HPSE2: variants seen among roughly 807,000 people sequenced by gnomAD.
The protein encoded by HPSE2 is heparanase 2 (inactive).
Under a neutral mutation model 60.5 loss-of-function variants are expected in HPSE2, and 38 were observed. The ratio of observed to expected loss-of-function variants is 0.63; its 90% CI spans 0.48 to 0.82. The LOEUF (loss-of-function observed/expected upper bound fraction) is 0.82, where lower values mean the gene tolerates loss of function less well. Among genes scored for constraint, HPSE2 ranks in the 40% least tolerant of loss-of-function variants. HPSE2 has a pLI of 0.00. For synonymous variants in HPSE2, 295 were observed against 293.2 expected (o/e 1.01, Z -0.06); for missense variants, 713 against 740.4 (o/e 0.96, Z 0.43).
intron 3 of HPSE2, among the ~76,000 whole-genome samples, chr10:98,758,594 T>C (rs1949935030): frequency 1.3e-5 from 2 of 152,116 alleles, no homozygotes; most frequent in Non-Finnish European, 2.9e-5. Context: ...GCTCAACACA[T>C]TGCTAATCAT....
At chr10:98,967,095 G>C (rs942267407) in intron 3 of HPSE2, among the ~76,000 whole-genome samples, 3 of 152,178 alleles carry the variant, frequency 2.0e-5, no homozygotes, top group African/African-American at 7.2e-5. Flanking sequence ...TTAGGAGAAG[G>C]GGGTAGACTC....
chr10:99,103,934 G>T (rs1439590908), intron 3 of HPSE2, among the ~76,000 whole-genome samples: 31 of 152,036 alleles, frequency 2.0e-4, no homozygotes, highest in African/African-American at 7.0e-4. Context: ...TAGCCATATG[G>T]AGAAAGCTGC....
chr10:99,196,283 G>C (rs1848394844), intron 2 of HPSE2, among the ~76,000 whole-genome samples: 1 of 152,060 alleles, frequency 6.6e-6, no homozygotes, highest in African/African-American at 2.4e-5. Flanking sequence ...AAAATCTCTA[G>C]GACATTGGTC....
chr10:98,586,513 A>C (rs954230918), intron 9 of HPSE2, among the ~76,000 whole-genome samples: 4 of 152,232 alleles, frequency 2.6e-5, no homozygotes, highest in South Asian at 2.1e-4. Flanking sequence ...TTAATATCAA[A>C]TTATGTAAAA....
At chr10:98,533,790 A>G (rs913340232) in intron 9 of HPSE2, among the ~76,000 whole-genome samples, 3 of 152,322 alleles carry the variant, frequency 2.0e-5, no homozygotes, top group Admixed American at 6.5e-5. Context: ...AGAACAATGA[A>G]AGCCAACGTG....
chr10:98,549,176 A>G (rs1943784630), intron 9 of HPSE2, among the ~76,000 whole-genome samples: 1 of 152,154 alleles, frequency 6.6e-6, no homozygotes, highest in South Asian at 2.1e-4. Flanking sequence ...TATACCACTT[A>G]CTGTCTCTCA....
At chr10:98,661,482 T>C (rs1244270285) in intron 6 of HPSE2, among the ~76,000 whole-genome samples, 2 of 152,208 alleles carry the variant, frequency 1.3e-5, no homozygotes, top group African/African-American at 4.8e-5. Flanking sequence ...AAGCAACAAA[T>C]GCTATCAGTT....
chr10:98,974,253 C>T (rs1956030505), intron 3 of HPSE2, among the ~76,000 whole-genome samples: 1 of 151,936 alleles, frequency 6.6e-6, no homozygotes, highest in African/African-American at 2.4e-5. Flanking sequence ...CGTACCATTG[C>T]ACTCCAGCCT....
At chr10:99,230,947 G>A (rs1422834783) in intron 2 of HPSE2, among the ~76,000 whole-genome samples, 1 of 152,180 alleles carries the variant, frequency 6.6e-6, no homozygotes, top group African/African-American at 2.4e-5. Flanking sequence ...TGCTGTTAAA[G>A]ACTATCTTTT....
At position 98,614,296 on chromosome 10, in the gene HPSE2, GT is replaced by G. The variant is rs11428510; in HGVS notation, c.1320+607del. Among the ~76,000 whole-genome samples, 270 of 144,918 alleles carry G rather than the reference GT, an allele frequency of 1.9e-3. 2 individuals carry two copies. Among genetic ancestry groups the G allele is most frequent in the African/African-American group, 6.4e-3 (253 of 39,400 alleles). ...ATCTCAACTGCACAAGGATTGTTTT[GT>G]TTTTTTTTTTTTTGAGACGGAGTCT... On this transcript the variant is annotated intron_variant, in intron 9 of 11. Transcript: ENST00000370552.
At chr10:99,065,817 C>T (rs547354736) in intron 3 of HPSE2, among the ~76,000 whole-genome samples, 2 of 152,310 alleles carry the variant, frequency 1.3e-5, no homozygotes, top group South Asian at 4.1e-4. Flanking sequence ...ATCCAAAATA[C>T]ATGTCTGACC....
chr10:99,262,168 G>T, the HPSE2 span, among the ~76,000 whole-genome samples: 5 of 152,032 alleles, frequency 3.3e-5, no homozygotes, highest in African/African-American at 4.8e-5. Context: ...CAATATGGAG[G>T]CTACCCACTC....
At chr10:99,095,161 GA>G (rs2135614958) in intron 3 of HPSE2, among the ~76,000 whole-genome samples, 1 of 151,778 alleles carries the variant, frequency 6.6e-6, no homozygotes, top group East Asian at 1.9e-4. Flanking sequence ...ACTTTAGGTG[GA>G]TAACAGACCT....
In HPSE2 at chr10:98,954,143, A is replaced by T. The variant is rs184224030; in HGVS notation, c.610+190095T>A. Among the ~76,000 whole-genome samples, 105 of 152,174 alleles carry T rather than the reference A, an allele frequency of 6.9e-4. 1 individual carries two copies. Among genetic ancestry groups the T allele is most frequent in the African/African-American group, 2.5e-3 (102 of 41,524 alleles). On this transcript the variant is annotated intron_variant, in intron 3 of 11. Coordinates refer to ENST00000370552, the MANE Select transcript of HPSE2 (RefSeq NM_021828.5). The stretch of plus-strand genomic sequence containing the variant: ...ATATGGTAAAACCCCATTTCTACTT[A>T]AAAAATATACAAAAATTAGCTGGGT...
chr10:98,604,187 CT>C (rs1945513283), intron 9 of HPSE2, among the ~76,000 whole-genome samples: 1 of 152,002 alleles, frequency 6.6e-6, no homozygotes. Flanking sequence ...CTGAAATTAT[CT>C]GAACAGGAAT....
chr10:98,607,642 C>CAT (rs1275282659), intron 9 of HPSE2, among the ~76,000 whole-genome samples: 1 of 152,148 alleles, frequency 6.6e-6, no homozygotes. Flanking sequence ...GTGAAGGAAT[C>CAT]ATAGTTTTCC....
At chr10:98,723,145 A>G (rs2134255538) in intron 4 of HPSE2, among the ~76,000 whole-genome samples, 1 of 152,272 alleles carries the variant, frequency 6.6e-6, no homozygotes, top group African/African-American at 2.4e-5. Context: ...TCCCATCAAT[A>G]CCTAATTTAT....
chr10:98,614,846 T>C, intron 9 of HPSE2, 58 bp downstream of exon 9: 1 of 1,123,216 alleles, frequency 8.9e-7, no homozygotes, highest in Non-Finnish European at 1.4e-6. Context: ...GAACAAGGCA[T>C]GATCAAAAGA....
chr10:98,778,628 G>C (rs1950400128), intron 3 of HPSE2, among the ~76,000 whole-genome samples: 1 of 152,112 alleles, frequency 6.6e-6, no homozygotes, highest in Non-Finnish European at 1.5e-5. Flanking sequence ...TCTGGTATAA[G>C]GAAGTAAAAT....
Sources: allele counts gnomAD v4.1 joint callset (sites outside exome capture counted in the v4.1 genomes callset), GRCh38; gene constraint gnomAD v4.1.1; transcripts MANE v1.5; gene names NCBI Gene and HGNC (gene_info 2026-07-23, HGNC 2026-07-21).